Variants in NELFCD observed in about 807,000 individuals in gnomAD.
The protein encoded by NELFCD is negative elongation factor complex member C/D.
Under a neutral mutation model 72.9 loss-of-function variants are expected in NELFCD, and 48 were observed. The ratio of observed to expected loss-of-function variants is 0.66; its 90% CI spans 0.52 to 0.84. The LOEUF is 0.84. Among genes scored for constraint, NELFCD ranks in the 40% least tolerant of loss-of-function variants. The probability of loss-of-function intolerance (pLI) is 0.00; values close to 1 mark genes in which losing one functional copy is unlikely to be tolerated. For synonymous variants in NELFCD, 297 were observed against 280.6 expected, an observed-to-expected ratio of 1.06 and a Z score of -0.59; for missense variants, 538 against 723.8, an observed-to-expected ratio of 0.74 and a Z score of 2.94.
chr20:58,986,346 CA>C lies in NELFCD; in HGVS notation c.176+139del. ...GGCTTCAAGGGGGGGTCCCCTCTGC[CA>C]CTTTTTTTTTTTTTTTAAATTTTTT... On this transcript the variant is annotated intron_variant, in intron 2 of 14. Coordinates refer to ENST00000652272, the MANE Select transcript of NELFCD (RefSeq NM_198976.4). The surrounding 1 kb of genome is among the most constrained non-coding windows in gnomAD (Gnocchi z 4.4). The C allele has an allele frequency of 1.5e-5, 9 of 599,476 alleles. No individual in the cohort carries two copies. Among genetic ancestry groups the C allele is most frequent in the South Asian group, 2.1e-5 (1 of 46,540 alleles). The allele number at this position is 599,476 out of a possible 1,614,324, so 37.1% of individuals were successfully genotyped here. A position where few individuals can be genotyped will look rare whatever the true frequency, so the allele number is the denominator to read the frequency against.
In NELFCD at chr20:58,991,416, C is replaced by T. The variant is rs148160603; in HGVS notation, c.1059C>T (p.Tyr353=). 37 of 1,614,076 alleles carry T rather than the reference C, an allele frequency of 2.3e-5. No homozygotes were observed. Among genetic ancestry groups the T allele is most frequent in the African/African-American group, 1.6e-4 (12 of 74,920 alleles). The change falls in exon 9 of 15, where the codon TAC becomes TAT. Residue 353 remains tyrosine (Y), a synonymous_variant. Transcript: ENST00000652272. ...HKHKYIHILA[Y]AASVVETWKK... ...ACAAATACATCCACATCTTGGCGTA[C>T]GCAGCAAGCGTGGTTGAGACCTGGA...
chr20:58,983,248 C>T (rs1036556504), intron 1 of NELFCD, among the ~76,000 whole-genome samples: 2 of 150,498 alleles, frequency 1.3e-5, no homozygotes, highest in African/African-American at 4.9e-5. Flanking sequence ...GCAATTCTCC[C>T]GTCTCAGCCT....
At chr20:58,982,592 G>A (rs939295503) in intron 1 of NELFCD, among the ~76,000 whole-genome samples, 1 of 152,228 alleles carries the variant, frequency 6.6e-6, no homozygotes, top group South Asian at 2.1e-4. Context: ...CGGCTTCGGA[G>A]CCATGGTCTA....
rs367912773 is a variant in NELFCD, at chr20:58,994,106, G to A, written c.1582-4G>A. The A allele has an allele frequency of 5.0e-5, 81 of 1,613,882 alleles. No individual in the cohort carries two copies. The highest frequency in any genetic ancestry group is 5.8e-5 in the Non-Finnish European group (69 of 1,179,910). ...AAGAAGTCACCCTGTGCTCCCCCAC[G>A]CAGGTGCTGGACGTCATTGCTCCTC... On this transcript the variant is annotated splice_region_variant and splice_polypyrimidine_tract_variant and intron_variant, in intron 13 of 14. Transcript: ENST00000652272.
Position 58,986,585 on chromosome 20 carries a change from C to T in NELFCD, c.177-169C>T. The T allele has an allele frequency of 1.5e-6, 1 of 656,084 alleles. No homozygotes were observed. The highest frequency in any genetic ancestry group is 2.7e-6 in the Non-Finnish European group (1 of 369,574). The allele number at this position is 656,084 out of a possible 1,614,324, so 40.6% of individuals were successfully genotyped here. A position where few individuals can be genotyped will look rare whatever the true frequency, so the allele number is the denominator to read the frequency against. ...CTTGAACTCCTAGGCTCAAGTGATT[C>T]TCCCACCTCTGCCTCCCAAAGTGCT... On this transcript the variant is annotated intron_variant, in intron 2 of 14. Coordinates refer to ENST00000652272, the MANE Select transcript of NELFCD (RefSeq NM_198976.4). The surrounding 1 kb of genome is among the most constrained non-coding windows in gnomAD (Gnocchi z 4.4).
At chr20:58,982,553 G>A (rs981355112) in intron 1 of NELFCD, among the ~76,000 whole-genome samples, 6 of 152,212 alleles carry the variant, frequency 3.9e-5, no homozygotes, top group African/African-American at 1.2e-4. Context: ...TGGGGCTTAC[G>A]TTGATAAACA....
chr20:58,985,977 A>C (rs1245051290), intron 1 of NELFCD, 116 bp from the exon 2 acceptor site: 4 of 742,914 alleles, frequency 5.4e-6, no homozygotes, highest in Non-Finnish European at 9.5e-6. Context: ...ATGAAAGTCA[A>C]ATGAAATAAT....
chr20:58,991,835 G>A, intron 9 of NELFCD, 46 bp from the exon 10 acceptor site: 1 of 1,598,404 alleles, frequency 6.3e-7, no homozygotes, highest in Non-Finnish European at 8.6e-7. Flanking sequence ...CCGACAGCAG[G>A]GATATCTGCC....
At chr20:58,987,537 G>A in intron 3 of NELFCD, 171 bp from the exon 4 acceptor site, 1 of 607,188 alleles carries the variant, frequency 1.6e-6, no homozygotes, top group South Asian at 2.0e-5. Flanking sequence ...GCTGCTTTTT[G>A]GTCTTATCAT....
rs1200461926 is a variant in NELFCD at position 58,986,178 on chromosome 20, T to G, written c.146T>G (p.Met49Arg). The G allele has an allele frequency of 6.2e-7, 1 of 1,613,296 alleles. No individual in the cohort carries two copies. Residue 49 changes from methionine (M) to arginine (R), a missense_variant, in exon 2 of 15, where the codon ATG (methionine) becomes AGG (arginine). Met to Arg is a moderately conservative substitution (Grantham distance 91, BLOSUM62 -1). Coordinates refer to ENST00000652272, the MANE Select transcript of NELFCD (RefSeq NM_198976.4). The surrounding 1 kb of genome is among the most constrained non-coding windows in gnomAD (Gnocchi z 4.4). The part of the protein sequence containing the change: ...LHKFSTRDYI[M>R]EPSIFNTLKR... ...AAATTTTCCACCCGGGATTATATCA[T>G]GGAACCCTCCATCTTCAACACTCTG...
Position 58,994,758 on chromosome 20 carries a change from C to A in NELFCD, c.*82C>A. 1.6e-6 allele frequency: 2 copies of A among 1,225,110 alleles called. No individual in the cohort carries two copies. Among genetic ancestry groups the A allele is most frequent in the Non-Finnish European group, 1.2e-6 (1 of 838,106 alleles). The allele number at this position is 1,225,110 out of a possible 1,614,324, so 75.9% of individuals were successfully genotyped here. The stretch of plus-strand genomic sequence containing the variant: ...CCTTTCAAGAAGCTGTTTTAAGAGG[C>A]TCGGGCAGCGTCTTGAAAATGGGCA... On this transcript the variant is annotated 3_prime_UTR_variant, in exon 15 of 15. Coordinates refer to ENST00000652272, the MANE Select transcript of NELFCD (RefSeq NM_198976.4).
In NELFCD at chr20:58,989,541, C is replaced by T. The variant is rs1270420178; in HGVS notation, c.558C>T (p.Cys186=). 1 of 1,614,050 alleles carries T rather than the reference C, an allele frequency of 6.2e-7. No individual in the cohort carries two copies. Among genetic ancestry groups the T allele is most frequent in the East Asian group, 2.2e-5 (1 of 44,898 alleles). ...QGEITSVSTA[C]QQLEVFSRVL... ...AGATCACCAGTGTGTCCACAGCATG[C>T]CAGCAGCTAGAAGTGTTCTCGAGAG... Residue 186 remains cysteine (C), a synonymous_variant, in exon 6 of 15, where the codon TGC becomes TGT. Coordinates refer to ENST00000652272, the MANE Select transcript of NELFCD (RefSeq NM_198976.4).
In NELFCD at chr20:58,990,329, G is replaced by C. The variant is rs2091806431; in HGVS notation, c.788+341G>C. On this transcript the variant is annotated intron_variant, in intron 7 of 14. Transcript: ENST00000652272. ...GCAGGAGAATCGCTTGAACCTGGGA[G>C]GTGGAGGTTGTGGTCAGCCAAGATT... 3 of 240,514 alleles carry C rather than the reference G, an allele frequency of 1.2e-5. No individual in the cohort carries two copies. In the South Asian group the frequency reaches 2.0e-4, roughly 16 times the overall value. 14.9% of individuals were successfully genotyped at this position (240,514 alleles called of 1,614,324 possible).
At position 58,994,223 on chromosome 20, in the gene NELFCD, T is replaced by C. The variant is rs2091840454; in HGVS notation, c.1695T>C (p.Pro565=). The C allele has an allele frequency of 6.2e-7, 1 of 1,614,140 alleles. No homozygotes were observed. Among genetic ancestry groups the C allele is most frequent in the South Asian group, 1.1e-5 (1 of 91,084 alleles). ...GTIKTEGEHD[P]VTEFIAHCKS... ...TCAAAACGGAAGGCGAGCATGACCCTGTGACGGAGTTTATAGGTGAGGCCG... is the reference window on the plus strand; with the variant it reads ...TCAAAACGGAAGGCGAGCATGACCCCGTGACGGAGTTTATAGGTGAGGCCG... Residue 565 remains proline, a synonymous_variant, in exon 14 of 15, where the codon CCT becomes CCC. Transcript: ENST00000652272.
intron 1 of NELFCD, among the ~76,000 whole-genome samples, chr20:58,983,496 G>A (rs1035521954): frequency 6.7e-6 from 1 of 149,652 alleles, no homozygotes; most frequent in African/African-American, 2.5e-5. Flanking sequence ...CTGGAGTGCA[G>A]TGGTGCCATC....
chr20:58,982,963 C>T (rs1374164882), intron 1 of NELFCD, among the ~76,000 whole-genome samples: 1 of 151,990 alleles, frequency 6.6e-6, no homozygotes, highest in Non-Finnish European at 1.5e-5. Flanking sequence ...TACTGACCTG[C>T]CCAAGGTCAT....
At position 58,986,934 on chromosome 20, in the gene NELFCD, T is replaced by C; in HGVS notation, c.286+71T>C. ...TTAAAAATAGACTTTTGGGTCCTTA[T>C]AACACTGATACAATGCCTTCTTTGA... On this transcript the variant is annotated intron_variant, in intron 3 of 14. Coordinates refer to ENST00000652272, the MANE Select transcript of NELFCD (RefSeq NM_198976.4). The surrounding 1 kb of genome is among the most constrained non-coding windows in gnomAD (Gnocchi z 4.4). 1 of 860,904 alleles carries C rather than the reference T, an allele frequency of 1.2e-6. No homozygotes were observed. Among genetic ancestry groups the C allele is most frequent in the South Asian group, 1.5e-5 (1 of 66,120 alleles). 53.3% of individuals were successfully genotyped at this position (860,904 alleles called of 1,614,324 possible).
intron 10 of NELFCD, among the ~76,000 whole-genome samples, chr20:58,992,674 T>C (rs539285589): frequency 1.1e-3 from 172 of 151,978 alleles, no homozygotes; most frequent in African/African-American, 4.1e-3. Flanking sequence ...GGCAAGAAAA[T>C]AGTTTGAGCC....
At chr20:58,982,266 C>G (rs2091740797) in intron 1 of NELFCD, among the ~76,000 whole-genome samples, 1 of 148,500 alleles carries the variant, frequency 6.7e-6, no homozygotes, top group Non-Finnish European at 1.5e-5. Flanking sequence ...AAGCGATTCT[C>G]CTGCCTCAGC....
Sources: gnomAD v4.1 joint callset for allele counts (sites outside exome capture counted in the v4.1 genomes callset) on GRCh38, gnomAD v4.1.1 for gene constraint, Gnocchi (gnomAD v3.1) non-coding constraint, MANE v1.5 for transcripts, NCBI Gene and HGNC (gene_info 2026-07-23, HGNC 2026-07-21) for gene names.